FANCC: variants seen among roughly 807,000 people sequenced by gnomAD.
The protein encoded by FANCC is FA complementation group C.
Under a neutral mutation model 71.3 loss-of-function variants are expected in FANCC, and 55 were observed. The observed-to-expected ratio is 0.77, with a 90% CI of 0.62 to 0.97. FANCC has a LOEUF of 0.97. Among genes scored for constraint, FANCC ranks in the 50% least tolerant of loss-of-function variants. The pLI is 0.00. For missense variants in FANCC, 678 were observed against 670.9 expected (o/e 1.01, Z -0.12); for synonymous variants, 275 against 244.9 (o/e 1.12, Z -1.15).
intron 4 of FANCC, among the ~76,000 whole-genome samples, chr9:95,199,868 C>T (rs1827699596): frequency 6.6e-6 from 1 of 152,130 alleles, no homozygotes; most frequent in Admixed American, 6.5e-5. Flanking sequence ...ACAGAGAGGA[C>T]ATTTATTAGA....
Position 95,135,209 on chromosome 9 carries a change from A to T in FANCC, c.843+137T>A, listed in dbSNP as rs1827495735. On this transcript the variant is annotated intron_variant, in intron 8 of 14. Coordinates refer to ENST00000289081, the MANE Select transcript of FANCC (RefSeq NM_000136.3). ...CCTATGTTAGTGATTTCAAAAATAAAATGTAAATACACGATTATATATAAA... is the reference window on the plus strand; with the variant it reads ...CCTATGTTAGTGATTTCAAAAATAATATGTAAATACACGATTATATATAAA... 3 of 871,146 alleles carry T rather than the reference A, an allele frequency of 3.4e-6. No homozygotes were observed. The African/African-American group carries it at 5.1e-5, about 15-fold the overall frequency. The allele number at this position is 871,146 out of a possible 1,614,324, so 54.0% of individuals were successfully genotyped here.
chr9:95,313,149 G>A (rs527271810), intron 1 of FANCC, among the ~76,000 whole-genome samples: 27 of 152,164 alleles, frequency 1.8e-4, no homozygotes, highest in Non-Finnish European at 3.2e-4. Context: ...CTGGAGACGT[G>A]CACACGCCTG....
intron 3 of FANCC, among the ~76,000 whole-genome samples, chr9:95,243,891 A>G (rs1361672724): frequency 6.6e-6 from 1 of 152,258 alleles, no homozygotes; most frequent in Non-Finnish European, 1.5e-5. Flanking sequence ...CACAGGCAAC[A>G]TCTGACTGCT....
intron 7 of FANCC, among the ~76,000 whole-genome samples, chr9:95,141,548 T>C (rs1354883254): frequency 2.0e-5 from 3 of 152,208 alleles, no homozygotes; most frequent in African/African-American, 7.2e-5. Context: ...AACATCTTGA[T>C]TGTAGGTCGG....
At chr9:95,141,627 G>A (rs1316543046) in intron 7 of FANCC, among the ~76,000 whole-genome samples, 1 of 152,146 alleles carries the variant, frequency 6.6e-6, no homozygotes, top group Non-Finnish European at 1.5e-5. Context: ...TGGCTACAGC[G>A]ATGCTGAGGG....
intron 8 of FANCC, among the ~76,000 whole-genome samples, chr9:95,134,200 G>A (rs926750787): frequency 5.9e-5 from 9 of 152,180 alleles, no homozygotes; most frequent in Non-Finnish European, 1.3e-4. Context: ...GGGGAGAAAC[G>A]GGATCGCGGA....
chr9:95,308,018 A>G (rs959208997), intron 1 of FANCC, among the ~76,000 whole-genome samples: 1 of 152,218 alleles, frequency 6.6e-6, no homozygotes, highest in Non-Finnish European at 1.5e-5. Context: ...CCACTCCATG[A>G]TAATATCAAT....
At position 95,294,722 on chromosome 9, in the gene FANCC, C is replaced by T. The variant is rs1588431085; in HGVS notation, c.-79+22804G>A. On this transcript the variant is annotated intron_variant, in intron 1 of 14. Transcript: ENST00000289081. Reference sequence around the variant, plus strand: ...ACAACAATGGACGACTTTCTTCTGGCTGATATGGCCTGGAACATGATGGAG... The same window carrying T: ...ACAACAATGGACGACTTTCTTCTGGTTGATATGGCCTGGAACATGATGGAG... 6.2e-6 allele frequency: 10 copies of T among 1,601,668 alleles called. No homozygotes were observed. In the East Asian group the frequency reaches 2.0e-4, roughly 32 times the overall value.
At chr9:95,226,458 G>A (rs1483979185) in intron 4 of FANCC, among the ~76,000 whole-genome samples, 1 of 152,160 alleles carries the variant, frequency 6.6e-6, no homozygotes, top group Non-Finnish European at 1.5e-5. Context: ...GCGTCTCCCC[G>A]GGCAGCTGCC....
At chr9:95,300,456 C>CTT (rs755514648) in intron 1 of FANCC, among the ~76,000 whole-genome samples, 2 of 143,228 alleles carry the variant, frequency 1.4e-5, no homozygotes, top group Non-Finnish European at 1.5e-5. Context: ...AATACAATTT[C>CTT]TTTTTTTTTT....
At chr9:95,207,134 G>T (rs138144376) in intron 4 of FANCC, among the ~76,000 whole-genome samples, 2 of 152,228 alleles carry the variant, frequency 1.3e-5, no homozygotes, top group Admixed American at 1.3e-4. Flanking sequence ...GGTGAGCAAG[G>T]AAGACCCTAA....
chr9:95,202,684 T>C (rs1467470798), intron 4 of FANCC, among the ~76,000 whole-genome samples: 1 of 152,170 alleles, frequency 6.6e-6, no homozygotes. Context: ...CAAAGCAAGA[T>C]AAACTAAAAA....
intron 6 of FANCC, among the ~76,000 whole-genome samples, chr9:95,157,645 T>C (rs768871291): frequency 2.6e-5 from 4 of 152,210 alleles, no homozygotes; most frequent in Admixed American, 6.5e-5. Context: ...ACCTAATGCT[T>C]AGTGTAATTC....
chr9:95,107,410 A>G lies in FANCC; in HGVS notation c.1330-141T>C, dbSNP rs2282216. On this transcript the variant is annotated intron_variant, in intron 13 of 14. Coordinates refer to ENST00000289081, the MANE Select transcript of FANCC (RefSeq NM_000136.3). The stretch of plus-strand genomic sequence containing the variant: ...AGAGAGGGAGCTAGGCAGCGGCCGA[A>G]TTTACACTCGATTTCACACAAACCC... 394,941 of 873,044 alleles carry G rather than the reference A, an allele frequency of 0.45. 91,941 individuals are homozygous for G. The highest frequency in any genetic ancestry group is 0.63 in the East Asian group (23,805 of 37,682). The allele number at this position is 873,044 out of a possible 1,614,324, so 54.1% of individuals were successfully genotyped here.
At chr9:95,278,200 G>A (rs1338962222) in intron 1 of FANCC, among the ~76,000 whole-genome samples, 1 of 152,170 alleles carries the variant, frequency 6.6e-6, no homozygotes, top group Non-Finnish European at 1.5e-5. Context: ...TCATAACATT[G>A]AGAGGTAATA....
intron 4 of FANCC, among the ~76,000 whole-genome samples, chr9:95,214,919 T>C (rs1218270231): frequency 1.3e-5 from 2 of 152,308 alleles, no homozygotes; most frequent in African/African-American, 4.8e-5. Context: ...ATGGTAGTAA[T>C]AGCTGCATAA....
At chr9:95,220,175 C>G (rs1299529929) in intron 4 of FANCC, among the ~76,000 whole-genome samples, 2 of 152,228 alleles carry the variant, frequency 1.3e-5, no homozygotes, top group African/African-American at 4.8e-5. Flanking sequence ...GAGATACCAT[C>G]TCACACCAGT....
Position 95,170,637 on chromosome 9 carries a change from CGT to C in FANCC, c.521+440_521+441del, listed in dbSNP as rs3992109. On this transcript the variant is annotated intron_variant, in intron 6 of 14. Coordinates refer to ENST00000289081, the MANE Select transcript of FANCC (RefSeq NM_000136.3). ...ACATCAAATGTTGCCTTGTAAATAT[CGT>C]GTGTGTGTGTGTGTGTGTGTGTGTG... Among the ~76,000 whole-genome samples the C allele has an allele frequency of 4.7e-3, 589 of 124,344 alleles. 6 individuals are homozygous for C. Among genetic ancestry groups the C allele is most frequent in the African/African-American group, 6.8e-3 (223 of 33,006 alleles). 81.6% of individuals were successfully genotyped at this position (124,344 alleles called of 152,430 possible). A position where few individuals can be genotyped will look rare whatever the true frequency, so the allele number is the denominator to read the frequency against.
intron 4 of FANCC, among the ~76,000 whole-genome samples, chr9:95,186,756 G>C (rs1159109458): frequency 6.6e-6 from 1 of 151,650 alleles, no homozygotes; most frequent in Non-Finnish European, 1.5e-5. Context: ...AGGCTTTTGA[G>C]GTTAGGGGGA....
Sources: gnomAD v4.1 joint callset for allele counts (sites outside exome capture counted in the v4.1 genomes callset) on GRCh38, gnomAD v4.1.1 for gene constraint, MANE v1.5 for transcripts, NCBI Gene and HGNC (gene_info 2026-07-23, HGNC 2026-07-21) for gene names.